Variants in EXOSC7 observed in about 807,000 individuals in gnomAD.
The protein encoded by EXOSC7 is exosome component 7.
EXOSC7 carries 25 observed loss-of-function variants against 34.3 expected under a neutral mutation model. The observed-to-expected ratio is 0.73, with a 90% confidence interval of 0.53 to 1.02. EXOSC7 has a LOEUF of 1.02. EXOSC7 is among the 50% of genes least tolerant of loss of function. The pLI, the probability that EXOSC7 is intolerant of heterozygous loss-of-function variation, is 0.00. For missense variants in EXOSC7, 370 were observed against 368.5 expected (o/e 1.00, Z -0.03); for synonymous variants, 130 against 143.0 (o/e 0.91, Z 0.65).
intron 1 of EXOSC7, among the ~76,000 whole-genome samples, chr3:44,976,631 A>T (rs1028302317): frequency 1.3e-5 from 2 of 152,130 alleles, no homozygotes; most frequent in Non-Finnish European, 2.9e-5. Context: ...AGGGCCATCC[A>T]TTCGGCGTTC....
At position 45,011,342 on chromosome 3, in the gene EXOSC7, T is replaced by G; in HGVS notation, c.*3T>G. ...AGAAAGTTGGATTCCTGGGATGATT[T>G]GCACATCAACTGCTCAACTGTGGAT... On this transcript the variant is annotated 3_prime_UTR_variant, in exon 8 of 8. Coordinates refer to ENST00000265564, the MANE Select transcript of EXOSC7 (RefSeq NM_015004.4). 6.3e-7 allele frequency: 1 copy of G among 1,584,040 alleles called. No homozygotes were observed. The highest frequency in any genetic ancestry group is 8.7e-7 in the Non-Finnish European group (1 of 1,154,194).
chr3:44,991,255 C>T (rs994272402), intron 3 of EXOSC7, among the ~76,000 whole-genome samples: 1 of 152,138 alleles, frequency 6.6e-6, no homozygotes, highest in Non-Finnish European at 1.5e-5. Context: ...TCCCCCAAGT[C>T]GTCTCTCCTG....
intron 1 of EXOSC7, among the ~76,000 whole-genome samples, chr3:44,979,943 A>AT (rs1288191716): frequency 6.6e-6 from 1 of 151,644 alleles, no homozygotes. Context: ...CTAGAGCAGT[A>AT]TGGGGGGGGT....
intron 5 of EXOSC7, among the ~76,000 whole-genome samples, chr3:45,002,512 T>A (rs1447922094): frequency 6.6e-6 from 1 of 152,168 alleles, no homozygotes; most frequent in Non-Finnish European, 1.5e-5. Context: ...TTTAAAGGCA[T>A]GTTAATATGG....
intron 6 of EXOSC7, 142 bp downstream of exon 6, chr3:45,005,556 T>G (rs1454170900): frequency 1.4e-6 from 1 of 729,616 alleles, no homozygotes; most frequent in Non-Finnish European, 2.1e-6. Context: ...ATCCAATAAT[T>G]TGGTTATACT....
Position 45,001,489 on chromosome 3 carries a change from A to G in EXOSC7, c.421-49A>G, listed in dbSNP as rs577222379. On this transcript the variant is annotated intron_variant, in intron 4 of 7. Transcript: ENST00000265564. ...TTTAACTGGGGTAATACCTAAAGTAATAAGTGATGCTTGGTTTTTTTTCCT... is the reference window on the plus strand; with the variant it reads ...TTTAACTGGGGTAATACCTAAAGTAGTAAGTGATGCTTGGTTTTTTTTCCT... 9 of 1,403,426 alleles carry G rather than the reference A, an allele frequency of 6.4e-6. 1 individual carries two copies. The African/African-American group carries it at 1.1e-4, about 18-fold the overall frequency. The allele number at this position is 1,403,426 out of a possible 1,614,324, so 86.9% of individuals were successfully genotyped here.
At chr3:45,005,761 G>T (rs946369459) in intron 6 of EXOSC7, among the ~76,000 whole-genome samples, 1 of 152,146 alleles carries the variant, frequency 6.6e-6, no homozygotes, top group African/African-American at 2.4e-5. Flanking sequence ...TTGAGTAGTG[G>T]CAGGGTGGCG....
intron 5 of EXOSC7, 176 bp from the exon 6 acceptor site, chr3:45,005,115 A>T (rs1234610059): frequency 1.1e-5 from 7 of 630,754 alleles, no homozygotes; most frequent in Non-Finnish European, 1.9e-5. Context: ...TCCTCATTGC[A>T]CTGCGGCGCC....
chr3:44,980,109 T>C (rs1706235721), intron 1 of EXOSC7, among the ~76,000 whole-genome samples: 1 of 151,786 alleles, frequency 6.6e-6, no homozygotes, highest in African/African-American at 2.4e-5. Flanking sequence ...TAAGTCATAG[T>C]CTTCGATAGA....
At chr3:45,001,639 C>T (rs1039624765) in intron 5 of EXOSC7, 31 bp downstream of exon 5, 3 of 1,496,446 alleles carry the variant, frequency 2.0e-6, no homozygotes, top group Non-Finnish European at 2.8e-6. Flanking sequence ...CTCTGCGAAC[C>T]TGTGGAGAAC....
intron 1 of EXOSC7, among the ~76,000 whole-genome samples, chr3:44,978,315 T>G (rs1162702333): frequency 1.3e-5 from 2 of 151,984 alleles, no homozygotes; most frequent in Admixed American, 6.6e-5. Flanking sequence ...TTTTTTTTAA[T>G]AAATAAAAAG....
chr3:44,985,653 C>G (rs1706390001), intron 1 of EXOSC7, among the ~76,000 whole-genome samples: 1 of 152,108 alleles, frequency 6.6e-6, no homozygotes, highest in African/African-American at 2.4e-5. Flanking sequence ...GCAGTGTGGA[C>G]CCAAAGAGTG....
rs954521172 is a variant in EXOSC7 at position 45,001,698 on chromosome 3, C to A, written c.491+90C>A. The A allele has an allele frequency of 3.4e-5, 31 of 916,178 alleles. No individual in the cohort carries two copies. In the Admixed American group the frequency reaches 5.4e-4, roughly 16 times the overall value. 56.8% of individuals were successfully genotyped at this position (916,178 alleles called of 1,614,324 possible). A position where few individuals can be genotyped will look rare whatever the true frequency, so the allele number is the denominator to read the frequency against. On this transcript the variant is annotated intron_variant, in intron 5 of 7. Transcript: ENST00000265564. Reference sequence around the variant, plus strand: ...CACTGAGGAAATTTCTATTGTAGCTCATATGTGAAGATAACAGGGGGTTTT... The same window carrying A: ...CACTGAGGAAATTTCTATTGTAGCTAATATGTGAAGATAACAGGGGGTTTT...
At chr3:44,990,863 A>G (rs1447434162) in intron 3 of EXOSC7, among the ~76,000 whole-genome samples, 2 of 152,210 alleles carry the variant, frequency 1.3e-5, no homozygotes, top group African/African-American at 2.4e-5. Flanking sequence ...GATGCCAGCC[A>G]AGGGCCAACC....
At chr3:45,006,457 C>T (rs1438445639) in intron 6 of EXOSC7, among the ~76,000 whole-genome samples, 46 of 134,418 alleles carry the variant, frequency 3.4e-4, no homozygotes, top group African/African-American at 9.8e-4. Context: ...TCGCCCAGGC[C>T]GGACTGCGGA....
chr3:44,976,546 C>G (rs1404962807), intron 1 of EXOSC7, among the ~76,000 whole-genome samples: 1 of 152,174 alleles, frequency 6.6e-6, no homozygotes, highest in Admixed American at 6.5e-5. Context: ...TTTTGCGGGT[C>G]TATAAGATTC....
chr3:44,997,303 T>A, intron 4 of EXOSC7, 51 bp downstream of exon 4: 2 of 1,542,118 alleles, frequency 1.3e-6, no homozygotes, highest in Non-Finnish European at 1.8e-6. Context: ...TTGGAAAGAC[T>A]AGTTGGCCTA....
At chr3:44,991,014 C>G (rs1026171274) in intron 3 of EXOSC7, among the ~76,000 whole-genome samples, 1 of 149,946 alleles carries the variant, frequency 6.7e-6, no homozygotes, top group Admixed American at 6.6e-5. Context: ...TCTCATAGTA[C>G]TCGTATAAGA....
At chr3:45,000,359 A>T (rs1404371609) in intron 4 of EXOSC7, among the ~76,000 whole-genome samples, 1 of 152,254 alleles carries the variant, frequency 6.6e-6, no homozygotes, top group Non-Finnish European at 1.5e-5. Context: ...AGGAGTTCAC[A>T]GTTCAACTGC....
Sources: allele counts gnomAD v4.1 joint callset (sites outside exome capture counted in the v4.1 genomes callset), GRCh38; gene constraint gnomAD v4.1.1; transcripts MANE v1.5; gene names NCBI Gene and HGNC (gene_info 2026-07-23, HGNC 2026-07-21).